Variants in BTBD9 observed in about 807,000 individuals in gnomAD.
The protein encoded by BTBD9 is BTB/POZ domain-containing protein 9.
A neutral mutation model predicts 64.3 loss-of-function variants in BTBD9; 49 were observed. That is an observed-to-expected ratio of 0.76 (90% confidence interval 0.61 to 0.97). BTBD9 has a LOEUF of 0.97. BTBD9 is among the 50% of genes least tolerant of loss of function. The pLI is 0.00. For synonymous variants in BTBD9, 260 were observed against 274.7 expected, an observed-to-expected ratio of 0.95 and a Z score of 0.53; for missense variants, 598 against 762.1, an observed-to-expected ratio of 0.78 and a Z score of 2.53.
chr6:38,338,596 A>AT (rs972584622), intron 7 of BTBD9, among the ~76,000 whole-genome samples: 26 of 152,284 alleles, frequency 1.7e-4, no homozygotes, highest in African/African-American at 6.3e-4. Flanking sequence ...CCTAGTTATT[A>AT]TCTCTCAAGC....
chr6:38,289,266 C>T (rs1010816421), intron 7 of BTBD9, among the ~76,000 whole-genome samples: 4 of 152,078 alleles, frequency 2.6e-5, no homozygotes, highest in African/African-American at 4.8e-5. Context: ...CCCAGCGACT[C>T]GGCCTACTGA....
intron 6 of BTBD9, among the ~76,000 whole-genome samples, chr6:38,349,748 T>A (rs1764426416): frequency 6.6e-6 from 1 of 151,942 alleles, no homozygotes; most frequent in Non-Finnish European, 1.5e-5. Flanking sequence ...GTTAAAATGG[T>A]GCATCTATGA....
At chr6:38,379,502 G>C (rs1765837699) in intron 6 of BTBD9, among the ~76,000 whole-genome samples, 1 of 152,118 alleles carries the variant, frequency 6.6e-6, no homozygotes, top group Non-Finnish European at 1.5e-5. Flanking sequence ...ATTCAATTTG[G>C]GAGACAGGCA....
intron 4 of BTBD9, chr6:38,588,106 T>C: frequency 1.4e-6 from 1 of 736,518 alleles, no homozygotes; most frequent in Non-Finnish European, 2.5e-6. Flanking sequence ...GTGCACCGTG[T>C]CTGCGGGCTC....
chr6:38,496,581 T>C (rs143139796), intron 6 of BTBD9, among the ~76,000 whole-genome samples: 5 of 151,416 alleles, frequency 3.3e-5, no homozygotes, highest in African/African-American at 1.2e-4. Flanking sequence ...CCCAGGAGGT[T>C]GAGGCTGCAG....
At chr6:38,409,430 T>C (rs977228671) in intron 6 of BTBD9, among the ~76,000 whole-genome samples, 3 of 152,220 alleles carry the variant, frequency 2.0e-5, no homozygotes, top group Non-Finnish European at 2.9e-5. Flanking sequence ...TAGTTGTTTT[T>C]TAAATACTTA....
At chr6:38,343,007 A>G (rs554955304) in intron 7 of BTBD9, among the ~76,000 whole-genome samples, 14 of 152,254 alleles carry the variant, frequency 9.2e-5, no homozygotes, top group Admixed American at 7.8e-4. Flanking sequence ...ACTGCAGGCA[A>G]TCTTCTGGCA....
chr6:38,464,040 G>T (rs1770227498), intron 6 of BTBD9, among the ~76,000 whole-genome samples: 1 of 151,834 alleles, frequency 6.6e-6, no homozygotes, highest in African/African-American at 2.4e-5. Flanking sequence ...AAAAAAAAGG[G>T]ATATTGAGTT....
intron 9 of BTBD9, among the ~76,000 whole-genome samples, chr6:38,198,882 T>C (rs1038727169): frequency 8.5e-5 from 13 of 152,140 alleles, no homozygotes; most frequent in African/African-American, 3.1e-4. Flanking sequence ...TATGACTGTC[T>C]CTCTGCATCG....
At chr6:38,251,482 C>G (rs1363314578) in intron 9 of BTBD9, among the ~76,000 whole-genome samples, 1 of 152,052 alleles carries the variant, frequency 6.6e-6, no homozygotes, top group African/African-American at 2.4e-5. Context: ...CCAGGTTGGT[C>G]TCGAACTCCT....
rs1766814379 is a variant in BTBD9, at chr6:38,172,052, C to T, written c.*2933G>A. ...AGGCCACAGGCACCCACCTGTCAGCCTCACCTGCCACCTCTCTCCATGTTG... is the reference window on the plus strand; with the variant it reads ...AGGCCACAGGCACCCACCTGTCAGCTTCACCTGCCACCTCTCTCCATGTTG... On this transcript the variant is annotated 3_prime_UTR_variant, in exon 11 of 11. Coordinates refer to ENST00000481247, the MANE Select transcript of BTBD9 (RefSeq NM_001099272.2). 1.3e-5 allele frequency: 2 copies of T among 152,186 alleles called. No homozygotes were observed. Among genetic ancestry groups the T allele is most frequent in the Non-Finnish European group, 2.9e-5 (2 of 68,112 alleles). 9.4% of individuals were successfully genotyped at this position (152,186 alleles called of 1,614,324 possible). A position where few individuals can be genotyped will look rare whatever the true frequency, so the allele number is the denominator to read the frequency against.
chr6:38,624,119 C>A (rs1043946775), intron 1 of BTBD9, among the ~76,000 whole-genome samples: 1 of 152,260 alleles, frequency 6.6e-6, no homozygotes, highest in Non-Finnish European at 1.5e-5. Context: ...GTAAAACGCA[C>A]CAATCAGCAC....
chr6:38,397,842 A>G (rs921914904), intron 6 of BTBD9, among the ~76,000 whole-genome samples: 2 of 152,234 alleles, frequency 1.3e-5, no homozygotes, highest in Admixed American at 6.5e-5. Flanking sequence ...ATGAGATGGG[A>G]GTAAGGAAGT....
chr6:38,539,758 T>G (rs570198078), intron 6 of BTBD9, among the ~76,000 whole-genome samples: 1 of 152,074 alleles, frequency 6.6e-6, no homozygotes. Context: ...ACAAATAAAA[T>G]AGAAAGTAAA....
At chr6:38,438,248 G>GA (rs1768842591) in intron 6 of BTBD9, among the ~76,000 whole-genome samples, 1 of 79,898 alleles carries the variant, frequency 1.3e-5, no homozygotes, top group Non-Finnish European at 2.3e-5. Context: ...GGGAGGGAGG[G>GA]AGGAAGGAAG....
intron 4 of BTBD9, among the ~76,000 whole-genome samples, chr6:38,583,491 C>T (rs1263238174): frequency 6.6e-6 from 1 of 152,094 alleles, no homozygotes; most frequent in African/African-American, 2.4e-5. Flanking sequence ...AGAGCCAAGA[C>T]TCTATCTCAA....
chr6:38,484,043 G>A (rs1178412441), intron 6 of BTBD9, among the ~76,000 whole-genome samples: 1 of 152,146 alleles, frequency 6.6e-6, no homozygotes, highest in Non-Finnish European at 1.5e-5. Context: ...TCTACTTCCA[G>A]GCACAGTGTT....
chr6:38,209,835 AGAG>A (rs1327042055), intron 9 of BTBD9, among the ~76,000 whole-genome samples: 1 of 152,206 alleles, frequency 6.6e-6, no homozygotes, highest in Non-Finnish European at 1.5e-5. Context: ...GCTTTCTGGC[AGAG>A]GAGGAGCTTC....
At chr6:38,561,847 A>G (rs932894197) in intron 6 of BTBD9, among the ~76,000 whole-genome samples, 1 of 152,162 alleles carries the variant, frequency 6.6e-6, no homozygotes, top group African/African-American at 2.4e-5. Flanking sequence ...CCTGGGTGAC[A>G]GGACCATTTG....
Sources: gnomAD v4.1 joint callset for allele counts (sites outside exome capture counted in the v4.1 genomes callset) on GRCh38, gnomAD v4.1.1 for gene constraint, MANE v1.5 for transcripts, NCBI Gene and HGNC (gene_info 2026-07-23, HGNC 2026-07-21) for gene names.